The following SHANK2 variants were observed in gnomAD, a reference collection of about 807,000 sequenced individuals.
SHANK2 encodes the protein SH3 and multiple ankyrin repeat domains 2.
Under a neutral mutation model 133.7 loss-of-function variants are expected in SHANK2, and 43 were observed. That is an observed-to-expected ratio of 0.32 (90% CI 0.25 to 0.41). The LOEUF (loss-of-function observed/expected upper bound fraction) is 0.41. Ranked by LOEUF, SHANK2 falls within the 10% of genes least tolerant of loss-of-function variation. SHANK2 has a pLI of 1.00. For missense variants in SHANK2, 1,994 were observed against 2,235.8 expected, an observed-to-expected ratio of 0.89 and a Z score of 2.18; for synonymous variants, 1,017 against 952.8, an observed-to-expected ratio of 1.07 and a Z score of -1.24.
intron 14 of SHANK2, among the ~76,000 whole-genome samples, chr11:70,776,506 G>A (rs941094173): frequency 3.9e-5 from 6 of 152,254 alleles, no homozygotes; most frequent in East Asian, 3.9e-4. Flanking sequence ...CCTCATGCAC[G>A]CCTCACTGCC....
In SHANK2 at chr11:70,826,592, T is replaced by A. The variant is rs782423663; in HGVS notation, c.1175-5910A>T. ...GGCGTGCAGCCCGGCCCCTCGGTGC[T>A]AGAGCAGCTGGGACCCGGGGAGAGG... is the stretch of plus-strand genomic sequence containing the variant. On this transcript the variant is annotated intron_variant, in intron 11 of 25. Transcript: ENST00000601538. 303 of 467,126 alleles carry A rather than the reference T, an allele frequency of 6.5e-4. 3 individuals are homozygous for A. The Middle Eastern group carries it at 0.014, about 21-fold the overall frequency. The allele number at this position is 467,126 out of a possible 1,614,324, so 28.9% of individuals were successfully genotyped here. A position where few individuals can be genotyped will look rare whatever the true frequency, so the allele number is the denominator to read the frequency against.
intron 12 of SHANK2, among the ~76,000 whole-genome samples, chr11:70,813,210 C>T (rs144777076): frequency 7.2e-5 from 11 of 152,086 alleles, no homozygotes; most frequent in Middle Eastern, 3.4e-3. Context: ...GAGAACAGGG[C>T]CAGGACTTGA....
intron 17 of SHANK2, among the ~76,000 whole-genome samples, chr11:70,536,473 C>T (rs1460472538): frequency 6.6e-6 from 1 of 152,164 alleles, no homozygotes; most frequent in Non-Finnish European, 1.5e-5. Context: ...CCCCATGAGG[C>T]CCAGCTGTGG....
At chr11:70,719,134 T>C (rs1384983279) in intron 14 of SHANK2, among the ~76,000 whole-genome samples, 2 of 152,234 alleles carry the variant, frequency 1.3e-5, no homozygotes, top group Non-Finnish European at 2.9e-5. Context: ...CGTGGCGCAG[T>C]GAACGCTGCC....
At chr11:70,686,390 C>T (rs948543328) in intron 15 of SHANK2, among the ~76,000 whole-genome samples, 10 of 151,382 alleles carry the variant, frequency 6.6e-5, no homozygotes, top group African/African-American at 2.4e-4. Flanking sequence ...TCCATCCATC[C>T]ATCCTTCCAT....
intron 14 of SHANK2, among the ~76,000 whole-genome samples, chr11:70,745,238 G>A (rs1279313961): frequency 1.3e-5 from 2 of 152,284 alleles, no homozygotes; most frequent in South Asian, 2.1e-4. Context: ...TTCCCTCACT[G>A]CCTGCCTTTG....
At chr11:71,204,490 C>G (rs1005316733) in intron 2 of SHANK2, among the ~76,000 whole-genome samples, 1 of 152,178 alleles carries the variant, frequency 6.6e-6, no homozygotes, top group African/African-American at 2.4e-5. Context: ...CGGGAAGAGG[C>G]ACCACAGGGT....
intron 17 of SHANK2, among the ~76,000 whole-genome samples, chr11:70,590,827 T>G (rs1435243430): frequency 6.6e-6 from 1 of 151,496 alleles, no homozygotes; most frequent in East Asian, 1.9e-4. Flanking sequence ...CCTGTGGTGG[T>G]CTGGGGCTGA....
At chr11:70,916,542 C>G (rs952046428) in intron 10 of SHANK2, among the ~76,000 whole-genome samples, 1 of 152,192 alleles carries the variant, frequency 6.6e-6, no homozygotes, top group Non-Finnish European at 1.5e-5. Context: ...CCCTTTCACA[C>G]AGTAGCACAG....
intron 17 of SHANK2, among the ~76,000 whole-genome samples, chr11:70,536,722 C>T (rs989335291): frequency 2.6e-5 from 4 of 152,200 alleles, no homozygotes; most frequent in East Asian, 3.9e-4. Flanking sequence ...AACCGTGCAC[C>T]GTGCCACCTT....
intron 4 of SHANK2, 32 bp downstream of exon 4, chr11:71,118,797 C>T: frequency 6.7e-7 from 1 of 1,501,462 alleles, no homozygotes; most frequent in Non-Finnish European, 9.0e-7. Flanking sequence ...TGTGACACAA[C>T]CACAGTCCAT....
intron 8 of SHANK2, among the ~76,000 whole-genome samples, chr11:71,089,415 A>C (rs1426551466): frequency 6.6e-6 from 1 of 152,158 alleles, no homozygotes; most frequent in Non-Finnish European, 1.5e-5. Flanking sequence ...GTCCACGCAC[A>C]TGTGGACCTG....
chr11:70,786,843 C>T (rs1259012452), intron 14 of SHANK2, among the ~76,000 whole-genome samples: 1 of 152,140 alleles, frequency 6.6e-6, no homozygotes, highest in Non-Finnish European at 1.5e-5. Flanking sequence ...ATCTTAAAAC[C>T]TCTGACACCA....
At chr11:71,116,615 C>T (rs1555100423) in intron 4 of SHANK2, among the ~76,000 whole-genome samples, 1 of 152,208 alleles carries the variant, frequency 6.6e-6, no homozygotes, top group African/African-American at 2.4e-5. Flanking sequence ...TGGTCACAGC[C>T]GCCCTGTTAC....
chr11:70,869,262 C>A (rs1280315727), intron 11 of SHANK2, among the ~76,000 whole-genome samples: 1 of 152,204 alleles, frequency 6.6e-6, no homozygotes, highest in Admixed American at 6.5e-5. Flanking sequence ...GTCTGTGGTG[C>A]TTTATGACGG....
At chr11:70,928,341 T>C (rs1555081972) in intron 10 of SHANK2, among the ~76,000 whole-genome samples, 1 of 152,130 alleles carries the variant, frequency 6.6e-6, no homozygotes, top group Non-Finnish European at 1.5e-5. Flanking sequence ...AGACAGCTGG[T>C]CAACTTGCTA....
intron 14 of SHANK2, among the ~76,000 whole-genome samples, chr11:70,754,494 T>C (rs1455261522): frequency 6.6e-6 from 1 of 152,142 alleles, no homozygotes; most frequent in Non-Finnish European, 1.5e-5. Flanking sequence ...AACAAACTAA[T>C]GAAGAAAAAC....
intron 12 of SHANK2, among the ~76,000 whole-genome samples, chr11:70,815,263 G>A (rs114124944): frequency 2.3e-4 from 35 of 151,510 alleles, no homozygotes; most frequent in African/African-American, 7.8e-4. Context: ...GAGGCACAGG[G>A]AGGAAGGAAG....
Position 70,490,529 on chromosome 11 carries a change from C to T in SHANK2, c.2440-142G>A, listed in dbSNP as rs926665914. 16 of 731,174 alleles carry T rather than the reference C, an allele frequency of 2.2e-5. No individual in the cohort carries two copies. The African/African-American group carries it at 2.4e-4, about 11-fold the overall frequency. The allele number at this position is 731,174 out of a possible 1,614,324, so 45.3% of individuals were successfully genotyped here. Reference sequence around the variant, plus strand: ...GAGCCACCTAAAGTCTCCAGTGGGGCTGATGAGAACCACAGCATTGAGGAC... The same window carrying T: ...GAGCCACCTAAAGTCTCCAGTGGGGTTGATGAGAACCACAGCATTGAGGAC... On this transcript the variant is annotated intron_variant, in intron 22 of 25. Transcript: ENST00000601538.
Sources: gnomAD v4.1 joint callset for allele counts (sites outside exome capture counted in the v4.1 genomes callset) on GRCh38, gnomAD v4.1.1 for gene constraint, MANE v1.5 for transcripts, NCBI Gene and HGNC (gene_info 2026-07-23, HGNC 2026-07-21) for gene names.